The following NOS1AP variants were observed in gnomAD, a reference collection of about 807,000 sequenced individuals.
The protein encoded by NOS1AP is carboxyl-terminal PDZ ligand of neuronal nitric oxide synthase protein.
NOS1AP carries 21 observed loss-of-function variants against 56.2 expected under a neutral mutation model. That is an observed-to-expected ratio of 0.37 (90% CI 0.26 to 0.54). The LOEUF (loss-of-function observed/expected upper bound fraction) is 0.54. Among genes scored for constraint, NOS1AP ranks in the 20% least tolerant of loss-of-function variants. The pLI is 0.84. For missense variants in NOS1AP, 522 were observed against 657.8 expected (o/e 0.79, Z 2.26); for synonymous variants, 270 against 274.6 (o/e 0.98, Z 0.17).
At chr1:162,234,803 TCCCA>T (rs1322465132) in intron 2 of NOS1AP, among the ~76,000 whole-genome samples, 2 of 152,138 alleles carry the variant, frequency 1.3e-5, no homozygotes, top group Admixed American at 6.5e-5. Context: ...TCACTCCCAC[TCCCA>T]TGTGCAGTGC....
chr1:162,242,887 G>A (rs1380850607), intron 2 of NOS1AP, among the ~76,000 whole-genome samples: 3 of 152,090 alleles, frequency 2.0e-5, no homozygotes, highest in South Asian at 2.1e-4. Context: ...AAGGAGGGGC[G>A]CGGGCAAAAG....
chr1:162,325,169 G>A (rs997375525), intron 4 of NOS1AP, among the ~76,000 whole-genome samples: 1 of 152,202 alleles, frequency 6.6e-6, no homozygotes, highest in Non-Finnish European at 1.5e-5. Context: ...CAAGCCAGCT[G>A]ATGTGATTAA....
At chr1:162,077,504 C>G (rs894262693) in intron 1 of NOS1AP, among the ~76,000 whole-genome samples, 4 of 151,910 alleles carry the variant, frequency 2.6e-5, no homozygotes, top group Non-Finnish European at 5.9e-5. Context: ...GATTCAAATC[C>G]CTTATATAGA....
At chr1:162,147,049 G>A (rs1485904495) in intron 1 of NOS1AP, among the ~76,000 whole-genome samples, 3 of 152,264 alleles carry the variant, frequency 2.0e-5, no homozygotes, top group East Asian at 1.9e-4. Flanking sequence ...TAAATACAAG[G>A]CCGGGCGCGG....
intron 1 of NOS1AP, among the ~76,000 whole-genome samples, chr1:162,152,257 C>T (rs968804845): frequency 2.8e-4 from 42 of 152,332 alleles, no homozygotes; most frequent in African/African-American, 1.0e-3. Context: ...TACAGTCCCC[C>T]AGGCTCCCTG....
chr1:162,224,149 CAGAGTGTT>C (rs1652871270), intron 2 of NOS1AP, among the ~76,000 whole-genome samples: 1 of 151,370 alleles, frequency 6.6e-6, no homozygotes, highest in Non-Finnish European at 1.5e-5. Context: ...TTCCAGATCT[CAGAGTGTT>C]TTGGGGACAG....
intron 2 of NOS1AP, among the ~76,000 whole-genome samples, chr1:162,253,634 A>C (rs908806523): frequency 1.3e-5 from 2 of 152,214 alleles, no homozygotes; most frequent in Non-Finnish European, 2.9e-5. Context: ...TTTTCTAGCT[A>C]TAACAGTTTT....
chr1:162,315,300 C>T (rs899455780), intron 4 of NOS1AP, among the ~76,000 whole-genome samples: 6 of 152,328 alleles, frequency 3.9e-5, no homozygotes, highest in African/African-American at 1.4e-4. Context: ...TAATAGATAA[C>T]CTCTGGGCTT....
chr1:162,172,502 G>A (rs547686866), intron 2 of NOS1AP, among the ~76,000 whole-genome samples: 2 of 152,162 alleles, frequency 1.3e-5, no homozygotes. Context: ...CCTCTAGATG[G>A]CCATGACTCT....
rs183759794 is a variant in NOS1AP, at chr1:162,315,484, C to G, written c.344+14778C>G. ...GGATGGTGGCGTCACACCTCTGAGA[C>G]CACAATCAGACTGTGAGCCTTGGCT... On this transcript the variant is annotated intron_variant, in intron 4 of 9. Coordinates refer to ENST00000361897, the MANE Select transcript of NOS1AP (RefSeq NM_014697.3). Among the ~76,000 whole-genome samples, 642 of 152,302 alleles carry G rather than the reference C, an allele frequency of 4.2e-3. 4 individuals carry two copies. Among genetic ancestry groups the G allele is most frequent in the African/African-American group, 0.015 (613 of 41,564 alleles).
At chr1:162,308,186 TATG>T (rs1431523747) in intron 4 of NOS1AP, among the ~76,000 whole-genome samples, 2 of 152,264 alleles carry the variant, frequency 1.3e-5, no homozygotes, top group African/African-American at 4.8e-5. Flanking sequence ...ATGTAGAAGA[TATG>T]ATTACAGCTA....
chr1:162,200,848 C>G (rs1483313053), intron 2 of NOS1AP, among the ~76,000 whole-genome samples: 1 of 152,180 alleles, frequency 6.6e-6, no homozygotes, highest in Non-Finnish European at 1.5e-5. Context: ...CGTGCTACTC[C>G]TTGGACACAA....
At chr1:162,207,163 G>A (rs1214997567) in intron 2 of NOS1AP, among the ~76,000 whole-genome samples, 1 of 152,348 alleles carries the variant, frequency 6.6e-6, no homozygotes, top group South Asian at 2.1e-4. Context: ...CAGGGATCCT[G>A]AGCCTTCTCC....
At chr1:162,221,848 T>G (rs1652792954) in intron 2 of NOS1AP, among the ~76,000 whole-genome samples, 1 of 152,190 alleles carries the variant, frequency 6.6e-6, no homozygotes, top group Admixed American at 6.5e-5. Context: ...CTTGTTTTCT[T>G]TTTACTCAAT....
intron 2 of NOS1AP, among the ~76,000 whole-genome samples, chr1:162,252,810 T>G (rs1653909195): frequency 6.6e-6 from 1 of 152,138 alleles, no homozygotes; most frequent in Non-Finnish European, 1.5e-5. Flanking sequence ...AAAATAAAAT[T>G]AAAAATAAAA....
rs73023270 is a variant in NOS1AP, at chr1:162,108,243, A to C, written c.105+37961A>C. On this transcript the variant is annotated intron_variant, in intron 1 of 9. Transcript: ENST00000361897. ...GGTTCATCTTTTTACAACAGCAAGC[A>C]GGGAAACTCTGGAGGACTCCCAGGG... Among the ~76,000 whole-genome samples, 1,138 of 152,348 alleles carry C rather than the reference A, an allele frequency of 7.5e-3. 16 individuals are homozygous for C. The highest frequency in any genetic ancestry group is 0.027 in the African/African-American group (1,111 of 41,574).
At chr1:162,078,489 T>C (rs1472560547) in intron 1 of NOS1AP, among the ~76,000 whole-genome samples, 1 of 152,122 alleles carries the variant, frequency 6.6e-6, no homozygotes, top group East Asian at 1.9e-4. Context: ...CTCTTGAATG[T>C]TCCCAGTGAC....
At chr1:162,190,198 A>G (rs979624950) in intron 2 of NOS1AP, among the ~76,000 whole-genome samples, 2 of 152,180 alleles carry the variant, frequency 1.3e-5, no homozygotes, top group Non-Finnish European at 1.5e-5. Flanking sequence ...CCATGTTCAC[A>G]TAGAACGTGT....
chr1:162,267,039 C>T (rs1654445470), intron 2 of NOS1AP, among the ~76,000 whole-genome samples: 1 of 151,990 alleles, frequency 6.6e-6, no homozygotes, highest in Non-Finnish European at 1.5e-5. Flanking sequence ...CTTGTCTGAC[C>T]CTATTTGCCT....
Sources: allele counts gnomAD v4.1 joint callset (sites outside exome capture counted in the v4.1 genomes callset), GRCh38; gene constraint gnomAD v4.1.1; transcripts MANE v1.5; gene names NCBI Gene and HGNC (gene_info 2026-07-23, HGNC 2026-07-21).